The following DST variants were observed in gnomAD, a reference collection of about 807,000 sequenced individuals.
DST encodes dystonin, also known as bullous pemphigoid antigen.
DST carries 253 observed loss-of-function variants against 875.2 expected under a neutral mutation model. The observed-to-expected ratio is 0.29, with a 90% CI of 0.26 to 0.32. The LOEUF is 0.32. Among genes scored for constraint, DST ranks in the 10% least tolerant of loss-of-function variants. DST has a pLI of 1.00. For synonymous variants in DST, 3,124 were observed against 3,197.1 expected, an observed-to-expected ratio of 0.98 and a Z score of 0.77; for missense variants, 8,287 against 9,111.6, an observed-to-expected ratio of 0.91 and a Z score of 3.68.
chr6:56,670,467 G>A (rs2099095836), intron 10 of DST, 174 bp downstream of exon 10: 1 of 464,108 alleles, frequency 2.2e-6, no homozygotes, highest in African/African-American at 2.0e-5. Flanking sequence ...CCTAAGTCCT[G>A]GGATTACAGG....
At chr6:56,788,441 C>T (rs538408557) in intron 4 of DST, among the ~76,000 whole-genome samples, 37 of 152,146 alleles carry the variant, frequency 2.4e-4, no homozygotes, top group African/African-American at 8.4e-4. Context: ...CTTGGCCTCC[C>T]AAAGTGCTTG....
At position 56,553,570 on chromosome 6, in the gene DST, A is replaced by G. The variant is rs1403213860; in HGVS notation, c.15222T>C (p.Asp5074=). 2 of 1,613,904 alleles carry G rather than the reference A, an allele frequency of 1.2e-6. No individual in the cohort carries two copies. The highest frequency in any genetic ancestry group is 2.2e-5 in the South Asian group (2 of 91,088). ...QMSRDFQAWL[D]TKKEEQNKSH... is the part of the protein sequence containing the mutation. ...ATTTGTTTTGCTCTTCTTTCTTTGTATCCAGCCAAGCCTGAAAATCTCTAG... is the reference window on the plus strand; with the variant it reads ...ATTTGTTTTGCTCTTCTTTCTTTGTGTCCAGCCAAGCCTGAAAATCTCTAG... Residue 5074 remains aspartate (D), a synonymous_variant, in exon 61 of 104, where the codon GAT becomes GAC. Coordinates refer to ENST00000680361, the MANE Select transcript of DST (RefSeq NM_001374736.1).
intron 3 of DST, among the ~76,000 whole-genome samples, chr6:56,878,314 G>A (rs1780446525): frequency 6.6e-6 from 1 of 152,158 alleles, no homozygotes; most frequent in Non-Finnish European, 1.5e-5. Context: ...GGTAAAACAT[G>A]TCTCCCCTGG....
chr6:56,893,875 A>T (rs1789302787), intron 3 of DST, among the ~76,000 whole-genome samples: 1 of 26,532 alleles, frequency 3.8e-5, no homozygotes, highest in Admixed American at 4.0e-4. Context: ...TCTAACCCTG[A>T]GTGGACACAG....
intron 61 of DST, among the ~76,000 whole-genome samples, chr6:56,545,118 T>A (rs1174826418): frequency 6.6e-6 from 1 of 152,054 alleles, no homozygotes; most frequent in African/African-American, 2.4e-5. Flanking sequence ...GCTCATGTGA[T>A]CCTCCTGTCT....
intron 4 of DST, among the ~76,000 whole-genome samples, chr6:56,763,977 C>A (rs933206866): frequency 2.0e-5 from 3 of 152,076 alleles, no homozygotes; most frequent in African/African-American, 7.2e-5. Flanking sequence ...ATGCAATAGT[C>A]TAACCTATCA....
intron 10 of DST, among the ~76,000 whole-genome samples, chr6:56,666,895 C>T (rs978342074): frequency 6.6e-6 from 1 of 151,646 alleles, no homozygotes; most frequent in Non-Finnish European, 1.5e-5. Flanking sequence ...AAGCAGGTAA[C>T]GTTTAGGACC....
chr6:56,587,284 T>C (rs1284392518), intron 49 of DST, among the ~76,000 whole-genome samples: 1 of 152,166 alleles, frequency 6.6e-6, no homozygotes, highest in Non-Finnish European at 1.5e-5. Flanking sequence ...CAGGAGCCGA[T>C]GCGATCAACT....
At chr6:56,768,225 CT>C (rs1437776046) in intron 4 of DST, among the ~76,000 whole-genome samples, 1 of 152,012 alleles carries the variant, frequency 6.6e-6, no homozygotes, top group Non-Finnish European at 1.5e-5. Flanking sequence ...TTATTCCAAC[CT>C]AGAATAGACA....
At chr6:56,786,979 G>A (rs1223627927) in intron 4 of DST, among the ~76,000 whole-genome samples, 1 of 152,228 alleles carries the variant, frequency 6.6e-6, no homozygotes, top group Non-Finnish European at 1.5e-5. Flanking sequence ...CAAGGTAACA[G>A]CAATAACTAA....
intron 10 of DST, among the ~76,000 whole-genome samples, chr6:56,658,460 G>A (rs1051482706): frequency 6.6e-6 from 1 of 152,060 alleles, no homozygotes; most frequent in African/African-American, 2.4e-5. Flanking sequence ...ATGGGAGGGG[G>A]GACATTATGG....
In DST at chr6:56,676,907, G is replaced by A. The variant is rs542111209; in HGVS notation, c.1048-6100C>T. 2.1e-4 allele frequency among the ~76,000 whole-genome samples: 32 copies of A among 152,174 alleles called. No individual in the cohort carries two copies. The South Asian group carries it at 4.4e-3, about 21-fold the overall frequency. On this transcript the variant is annotated intron_variant, in intron 9 of 103. Coordinates refer to ENST00000680361, the MANE Select transcript of DST (RefSeq NM_001374736.1). ...TGGTTGGGGTGGAAGTGATTGGGGC[G>A]ATATCGGTCAAAGGATGCAAAATTT...
chr6:56,468,688 C>T (rs1178697478), intron 98 of DST, among the ~76,000 whole-genome samples: 1 of 152,112 alleles, frequency 6.6e-6, no homozygotes, highest in South Asian at 2.1e-4. Context: ...AAAATATATG[C>T]TCATATTATA....
At chr6:56,709,850 G>T (rs143084740) in intron 5 of DST, among the ~76,000 whole-genome samples, 71 of 152,326 alleles carry the variant, frequency 4.7e-4, no homozygotes, top group African/African-American at 1.7e-3. Context: ...AAGAAGATGG[G>T]AATGTTGCAG....
intron 4 of DST, among the ~76,000 whole-genome samples, chr6:56,762,570 A>C (rs1442532389): frequency 1.3e-5 from 2 of 152,158 alleles, no homozygotes; most frequent in Admixed American, 1.3e-4. Context: ...TACTTCTTTA[A>C]AGACAAGAAT....
intron 63 of DST, among the ~76,000 whole-genome samples, chr6:56,534,841 T>C (rs2096965902): frequency 6.6e-6 from 1 of 152,178 alleles, no homozygotes; most frequent in African/African-American, 2.4e-5. Flanking sequence ...TTACTTTACT[T>C]ATTGTCTTTC....
chr6:56,585,210 A>G (rs1191884187), intron 49 of DST, among the ~76,000 whole-genome samples: 3 of 152,208 alleles, frequency 2.0e-5, no homozygotes, highest in Non-Finnish European at 2.9e-5. Context: ...TTTGGCTGTG[A>G]ATCCATCTGG....
At chr6:56,537,761 C>T (rs566883355) in intron 61 of DST, among the ~76,000 whole-genome samples, 29 of 152,172 alleles carry the variant, frequency 1.9e-4, no homozygotes, top group Non-Finnish European at 4.0e-4. Flanking sequence ...TTGCCTGTGA[C>T]TGGCAAAGGA....
intron 36 of DST, chr6:56,619,318 T>C (rs1338429008): frequency 2.5e-5 from 40 of 1,612,050 alleles, no homozygotes; most frequent in East Asian, 6.7e-5. Context: ...CTTTTTGTTT[T>C]AGCATCTCTG....
Sources: gnomAD v4.1 joint callset for allele counts (sites outside exome capture counted in the v4.1 genomes callset) on GRCh38, gnomAD v4.1.1 for gene constraint, MANE v1.5 for transcripts, NCBI Gene and HGNC (gene_info 2026-07-23, HGNC 2026-07-21) for gene names.